A2ML1: variants seen among roughly 807,000 people sequenced by gnomAD.
A2ML1 encodes the protein alpha-2-macroglobulin-like protein 1.
A neutral mutation model predicts 181.9 loss-of-function variants in A2ML1; 161 were observed. That is an observed-to-expected ratio of 0.89 (90% confidence interval 0.78 to 1.01). A2ML1 has a LOEUF of 1.01. A2ML1 is among the 50% of genes least tolerant of loss of function. The probability of loss-of-function intolerance (pLI) is 0.00; values close to 1 mark genes in which losing one functional copy is unlikely to be tolerated. For synonymous variants in A2ML1, 663 were observed against 666.8 expected, an observed-to-expected ratio of 0.99 and a Z score of 0.09; for missense variants, 1,670 against 1,768.1, an observed-to-expected ratio of 0.94 and a Z score of 1.00.
At chr12:8,847,823 G>A (rs1290364441) in intron 15 of A2ML1, 125 bp downstream of exon 15, 1 of 1,290,562 alleles carries the variant, frequency 7.7e-7, no homozygotes, top group Admixed American at 2.8e-5. Flanking sequence ...GCGGTAAAAA[G>A]GCTGGTGTGA....
intron 18 of A2ML1, 55 bp from the exon 19 acceptor site, chr12:8,851,729 T>C: frequency 1.3e-6 from 2 of 1,560,530 alleles, no homozygotes; most frequent in Non-Finnish European, 1.8e-6. Flanking sequence ...AATTCACAAA[T>C]GTTCTCCTTG....
In A2ML1 at chr12:8,822,636, T is replaced by C. The variant is rs369625679; in HGVS notation, c.-16T>C. The C allele has an allele frequency of 7.4e-6, 12 of 1,613,004 alleles. No individual in the cohort carries two copies. The highest frequency in any genetic ancestry group is 1.0e-5 in the Non-Finnish European group (12 of 1,179,092). On this transcript the variant is annotated 5_prime_UTR_variant, in exon 1 of 36. Transcript: ENST00000299698. ...CTCTGCCCCTGACCCTGGAAAAATC[T>C]GTCTCACCCACAAAGATGTGGGCTC...
chr12:8,837,247 T>A (rs1410999515), intron 7 of A2ML1, among the ~76,000 whole-genome samples, 193 bp from the exon 8 acceptor site: 1 of 152,032 alleles, frequency 6.6e-6, no homozygotes, highest in Non-Finnish European at 1.5e-5. Flanking sequence ...CTTGAACCCC[T>A]GGCCTCAAGT....
intron 29 of A2ML1, 22 bp from the exon 30 acceptor site, chr12:8,867,820 T>G (rs762925265): frequency 5.6e-6 from 9 of 1,602,674 alleles, no homozygotes; most frequent in Non-Finnish European, 6.8e-6. Context: ...ATGGTAAGTA[T>G]ACGTTTGGTT....
At chr12:8,879,665 G>A (rs955917048), downstream of A2ML1, among the ~76,000 whole-genome samples, 1 of 152,190 alleles carries the variant, frequency 6.6e-6, no homozygotes, top group Non-Finnish European at 1.5e-5. Context: ...CATCTTAAAT[G>A]ATTAGGAAAA....
chr12:8,838,261 C>A, intron 8 of A2ML1, 75 bp from the exon 9 acceptor site: 1 of 1,045,776 alleles, frequency 9.6e-7, no homozygotes, highest in Non-Finnish European at 1.4e-6. Flanking sequence ...TTTCCTTCTA[C>A]AGAACATTAT....
chr12:8,834,997 A>T, intron 5 of A2ML1: 1 of 397,098 alleles, frequency 2.5e-6, no homozygotes, highest in Non-Finnish European at 4.5e-6. Flanking sequence ...AGTGTAAGGT[A>T]ATAGCCCTTG....
rs778697812 is a variant in A2ML1 at position 8,823,819 on chromosome 12, C to G, written c.346C>G (p.Gln116Glu). The G allele has an allele frequency of 1.5e-5, 25 of 1,614,118 alleles. No homozygotes were observed. In the South Asian group the frequency reaches 2.7e-4, roughly 18 times the overall value. Residue 116 changes from glutamine to glutamate, a missense_variant, in exon 3 of 36, where the codon CAG becomes GAG. By Grantham distance (29) the Gln-to-Glu change is conservative. Coordinates refer to ENST00000299698, the MANE Select transcript of A2ML1 (RefSeq NM_144670.6). ...TGAGGAGAAGAAAAAGGTTCTAATT[C>G]AGAGGCAGGGGAACGGCACCTTTGT... The part of the protein sequence containing the change: ...SFEEKKKVLI[Q>E]RQGNGTFVQT...
At chr12:8,850,651 C>G (rs991849179) in intron 18 of A2ML1, among the ~76,000 whole-genome samples, 54 of 152,304 alleles carry the variant, frequency 3.5e-4, no homozygotes, top group African/African-American at 1.3e-3. Flanking sequence ...GTAGAAAACT[C>G]AGAATCAGAC....
intron 7 of A2ML1, among the ~76,000 whole-genome samples, chr12:8,886,010 TCACACACACACACA>T (rs35294269): frequency 6.9e-6 from 1 of 144,894 alleles, no homozygotes; most frequent in African/African-American, 2.6e-5. Flanking sequence ...CAACAATATC[TCACACACACACACA>T]CACACACACA....
chr12:8,863,167 C>T (rs2377611), intron 28 of A2ML1, among the ~76,000 whole-genome samples: 142,337 of 151,504 alleles, frequency 0.94, 67,502 homozygotes, highest in East Asian at 1. Flanking sequence ...AGTGCATTGG[C>T]GTGATCTCAG....
At chr12:8,871,203 T>C (rs540820151) in intron 33 of A2ML1, among the ~76,000 whole-genome samples, 32 of 152,348 alleles carry the variant, frequency 2.1e-4, no homozygotes, top group Non-Finnish European at 4.0e-4. Context: ...TGTTGCATTA[T>C]GGTCTGAGAA....
rs1334232535 is a variant in A2ML1, at chr12:8,852,780, T to C, written c.2590+444T>C. ...GGTGCAATCTGTGCTTACTGCAACC[T>C]CCACCTCCTGGGTTCAAGTGATTCT... On this transcript the variant is annotated intron_variant, in intron 20 of 35. Transcript: ENST00000299698. The surrounding 1 kb of genome is among the most constrained non-coding windows in gnomAD (Gnocchi z 4.2). 2.2e-4 allele frequency among the ~76,000 whole-genome samples: 33 copies of C among 152,174 alleles called. No individual in the cohort carries two copies.
At position 8,847,539 on chromosome 12, in the gene A2ML1, C is replaced by T. The variant is rs369357941; in HGVS notation, c.1684-10C>T. The stretch of plus-strand genomic sequence containing the variant: ...ACCTGATCCCCAAGTTATACCTTTC[C>T]CTTCCCCAGGTTTCCCTTGGCTTCT... On this transcript the variant is annotated splice_polypyrimidine_tract_variant and intron_variant, in intron 14 of 35. Transcript: ENST00000299698. 10 of 1,603,538 alleles carry T rather than the reference C, an allele frequency of 6.2e-6. No individual in the cohort carries two copies. The highest frequency in any genetic ancestry group is 4.5e-5 in the East Asian group (2 of 44,608).
At chr12:8,826,117 G>T (rs973355837) in intron 3 of A2ML1, among the ~76,000 whole-genome samples, 30 of 152,152 alleles carry the variant, frequency 2.0e-4, no homozygotes, top group Admixed American at 3.3e-4. Context: ...TTTTACAAAA[G>T]TCCTAAGATT....
chr12:8,874,968 C>T lies in A2ML1; in HGVS notation c.4325-3C>T. ...TAATAATATGACTTATTTCATTTCA[C>T]AGATGAACAGGCAACAATTCAGTAT... is the stretch of plus-strand genomic sequence containing the variant. On this transcript the variant is annotated splice_region_variant and splice_polypyrimidine_tract_variant and intron_variant, in intron 34 of 35. Coordinates refer to ENST00000299698, the MANE Select transcript of A2ML1 (RefSeq NM_144670.6). 1 of 1,613,958 alleles carries T rather than the reference C, an allele frequency of 6.2e-7. No homozygotes were observed. Among genetic ancestry groups the T allele is most frequent in the Non-Finnish European group, 8.5e-7 (1 of 1,179,914 alleles).
At chr12:8,840,098 G>A (rs749891042) in intron 10 of A2ML1, among the ~76,000 whole-genome samples, 8 of 152,084 alleles carry the variant, frequency 5.3e-5, no homozygotes, top group Non-Finnish European at 8.8e-5. Context: ...GGTGGCTCAC[G>A]TCTGCAGTCC....
chr12:8,874,170 C>T (rs1944721333), intron 33 of A2ML1, among the ~76,000 whole-genome samples: 1 of 152,028 alleles, frequency 6.6e-6, no homozygotes, highest in African/African-American at 2.4e-5. Flanking sequence ...TGCCAGCCAC[C>T]ATGCCCGACT....
At chr12:8,862,479 G>C (rs1194878439) in intron 28 of A2ML1, among the ~76,000 whole-genome samples, 1 of 152,226 alleles carries the variant, frequency 6.6e-6, no homozygotes, top group Admixed American at 6.5e-5. Flanking sequence ...TGAATTACAA[G>C]CGTGAGCCAT....
Sources: allele counts gnomAD v4.1 joint callset (sites outside exome capture counted in the v4.1 genomes callset), GRCh38; gene constraint gnomAD v4.1.1; non-coding constraint Gnocchi (gnomAD v3.1); transcripts MANE v1.5; gene names NCBI Gene and HGNC (gene_info 2026-07-23, HGNC 2026-07-21).